SSH2: variants seen among roughly 807,000 people sequenced by gnomAD.
SSH2 encodes protein phosphatase Slingshot homolog 2.
Under a neutral mutation model 135.2 loss-of-function variants are expected in SSH2, and 37 were observed. The observed-to-expected ratio is 0.27, with a 90% CI of 0.21 to 0.36. SSH2 has a LOEUF of 0.36. Among genes scored for constraint, SSH2 ranks in the 10% least tolerant of loss-of-function variants. The probability of loss-of-function intolerance (pLI) is 1.00; values close to 1 mark genes in which losing one functional copy is unlikely to be tolerated. For synonymous variants in SSH2, 628 were observed against 646.2 expected (o/e 0.97, Z 0.43); for missense variants, 1,408 against 1,765.3 (o/e 0.80, Z 3.63).
chr17:29,716,348 C>T, intron 3 of SSH2: 1 of 460,278 alleles, frequency 2.2e-6, no homozygotes, highest in African/African-American at 2.0e-5. Flanking sequence ...CTTCAGGAAG[C>T]TGTCTTGGCT....
intron 1 of SSH2, among the ~76,000 whole-genome samples, chr17:29,921,064 T>C (rs1237223280): frequency 1.3e-5 from 2 of 152,086 alleles, no homozygotes; most frequent in Non-Finnish European, 1.5e-5. Flanking sequence ...TAGTAAATAT[T>C]TGAAAAAATG....
chr17:29,911,557 A>G (rs942978149), intron 1 of SSH2, among the ~76,000 whole-genome samples: 2 of 152,162 alleles, frequency 1.3e-5, no homozygotes, highest in Non-Finnish European at 2.9e-5. Context: ...CAGGATTCCA[A>G]CTTAGGTTGT....
intron 3 of SSH2, among the ~76,000 whole-genome samples, chr17:29,784,384 C>CA (rs71138858): frequency 5.0e-4 from 71 of 141,084 alleles, no homozygotes; most frequent in Admixed American, 8.6e-4. Flanking sequence ...GATTCCATCT[C>CA]AAAAAAAAAA....
chr17:29,638,392 G>C (rs2036004246), intron 14 of SSH2, among the ~76,000 whole-genome samples: 1 of 150,666 alleles, frequency 6.6e-6, no homozygotes, highest in African/African-American at 2.4e-5. Flanking sequence ...TTTGAAATTA[G>C]TGTCTATGTT....
chr17:29,906,946 C>T (rs1049232285), intron 1 of SSH2, among the ~76,000 whole-genome samples: 1 of 152,190 alleles, frequency 6.6e-6, no homozygotes, highest in Non-Finnish European at 1.5e-5. Flanking sequence ...TTGTGGAAGA[C>T]AGTGTGGCAA....
At chr17:29,788,965 CT>C (rs2042017937) in intron 3 of SSH2, among the ~76,000 whole-genome samples, 2 of 152,176 alleles carry the variant, frequency 1.3e-5, no homozygotes, top group South Asian at 4.1e-4. Flanking sequence ...TGGAAAAGCC[CT>C]TTCTGACGAA....
chr17:29,913,347 A>AAAAATTATAT lies in SSH2; in HGVS notation c.63+16590_63+16591insATATAATTTT. Among the ~76,000 whole-genome samples the AAAAATTATAT allele has an allele frequency of 1.3e-3, 36 of 28,786 alleles. 8 individuals carry two copies. The East Asian group carries it at 0.04, about 32-fold the overall frequency. 18.9% of individuals were successfully genotyped at this position (28,786 alleles called of 152,430 possible). Reference sequence around the variant, plus strand: ...AAAAAAAAAAAAAAAAAAAAAAAAAAATATATATATATATATATATATATA... The same window carrying AAAAATTATAT: ...AAAAAAAAAAAAAAAAAAAAAAAAAAAAAATTATATATATATATATATATATATATATATA... On this transcript the variant is annotated intron_variant, in intron 1 of 15. Transcript: ENST00000540801.
chr17:29,788,788 A>C (rs2042014273), intron 3 of SSH2, among the ~76,000 whole-genome samples: 1 of 152,140 alleles, frequency 6.6e-6, no homozygotes, highest in Non-Finnish European at 1.5e-5. Context: ...TAATGGGTAG[A>C]AGAGTTTTGA....
intron 3 of SSH2, among the ~76,000 whole-genome samples, chr17:29,743,605 AGCCCCG>A (rs2040643742): frequency 1.3e-5 from 2 of 152,246 alleles, no homozygotes; most frequent in South Asian, 4.1e-4. Context: ...GGGGTGAATA[AGCCCCG>A]GCACACTAAT....
chr17:29,924,163 A>C (rs1295315594), intron 1 of SSH2, among the ~76,000 whole-genome samples: 1 of 152,228 alleles, frequency 6.6e-6, no homozygotes, highest in East Asian at 1.9e-4. Context: ...CAAAAAATTC[A>C]AAGGCATCAC....
At chr17:29,861,350 A>G (rs533428639) in intron 1 of SSH2, among the ~76,000 whole-genome samples, 3 of 152,146 alleles carry the variant, frequency 2.0e-5, no homozygotes, top group East Asian at 1.9e-4. Context: ...GGGTTTTTAT[A>G]GTTTTGGGTG....
At chr17:29,762,944 A>G (rs2041357716) in intron 3 of SSH2, among the ~76,000 whole-genome samples, 1 of 152,206 alleles carries the variant, frequency 6.6e-6, no homozygotes, top group Admixed American at 6.5e-5. Context: ...AACTTCACTA[A>G]CCAATTAGAT....
At chr17:29,799,687 T>C (rs920812607) in intron 2 of SSH2, among the ~76,000 whole-genome samples, 1 of 151,150 alleles carries the variant, frequency 6.6e-6, no homozygotes, top group Non-Finnish European at 1.5e-5. Flanking sequence ...TGTGGATAAG[T>C]AAAAAGCAAA....
intron 1 of SSH2, among the ~76,000 whole-genome samples, chr17:29,860,371 T>C (rs1436694182): frequency 6.6e-6 from 1 of 152,194 alleles, no homozygotes; most frequent in Non-Finnish European, 1.5e-5. Flanking sequence ...GTTGAGCTTT[T>C]TTTCATATGA....
intron 2 of SSH2, among the ~76,000 whole-genome samples, chr17:29,802,888 A>G (rs1029391251): frequency 2.0e-5 from 3 of 152,196 alleles, no homozygotes; most frequent in African/African-American, 7.2e-5. Flanking sequence ...AATTCACTGG[A>G]TATCAGATTA....
Position 29,750,456 on chromosome 17 carries a change from T to C in SSH2, c.188+43438A>G, listed in dbSNP as rs901513376. 6.0e-5 allele frequency among the ~76,000 whole-genome samples: 9 copies of C among 149,204 alleles called. No individual in the cohort carries two copies. In the South Asian group the frequency reaches 6.2e-4, roughly 10 times the overall value. Reference sequence around the variant, plus strand: ...TCTGTCTCAAAAAAAAAAAAAAATTTTTTTTTAAATAAATAAAAATAAAAA... The same window carrying C: ...TCTGTCTCAAAAAAAAAAAAAAATTCTTTTTTAAATAAATAAAAATAAAAA... On this transcript the variant is annotated intron_variant, in intron 3 of 15. Coordinates refer to ENST00000540801, the MANE Select transcript of SSH2 (RefSeq NM_001282129.2).
chr17:29,720,662 A>C (rs1285138228), intron 3 of SSH2, among the ~76,000 whole-genome samples: 1 of 152,172 alleles, frequency 6.6e-6, no homozygotes, highest in African/African-American at 2.4e-5. Flanking sequence ...GCACAAATGA[A>C]ATCTAGGAGG....
intron 3 of SSH2, among the ~76,000 whole-genome samples, chr17:29,725,880 T>C (rs917895408): frequency 6.6e-6 from 1 of 152,226 alleles, no homozygotes; most frequent in African/African-American, 2.4e-5. Flanking sequence ...GAAACCTGCA[T>C]GTTCTGCAAA....
intron 5 of SSH2, among the ~76,000 whole-genome samples, chr17:29,688,225 G>A (rs573996733): frequency 6.3e-4 from 96 of 152,146 alleles, no homozygotes; most frequent in Admixed American, 1.8e-3. Context: ...TGGCCAGGAT[G>A]CTCTCGATCT....
Sources: allele counts gnomAD v4.1 joint callset (sites outside exome capture counted in the v4.1 genomes callset), GRCh38; gene constraint gnomAD v4.1.1; transcripts MANE v1.5; gene names NCBI Gene and HGNC (gene_info 2026-07-23, HGNC 2026-07-21).